The following KCNK2 variants were observed in gnomAD, a reference collection of about 807,000 sequenced individuals.
The protein encoded by KCNK2 is potassium channel subfamily K member 2.
A neutral mutation model predicts 40.5 loss-of-function variants in KCNK2; 21 were observed. The ratio of observed to expected loss-of-function variants is 0.52; its 90% CI spans 0.37 to 0.75. The LOEUF (loss-of-function observed/expected upper bound fraction) is 0.75. Ranked by LOEUF, KCNK2 falls within the 30% of genes least tolerant of loss-of-function variation. The pLI is 0.00. For synonymous variants in KCNK2, 191 were observed against 202.2 expected (o/e 0.94, Z 0.47); for missense variants, 399 against 531.6 (o/e 0.75, Z 2.45).
At chr1:215,062,441 A>C (rs1658392821) in intron 1 of KCNK2, among the ~76,000 whole-genome samples, 3 of 152,062 alleles carry the variant, frequency 2.0e-5, no homozygotes, top group Middle Eastern at 3.4e-3. Context: ...ACAACATCAG[A>C]TATTTACACA....
At chr1:215,191,990 C>A (rs950737050) in intron 5 of KCNK2, among the ~76,000 whole-genome samples, 1 of 151,906 alleles carries the variant, frequency 6.6e-6, no homozygotes, top group African/African-American at 2.4e-5. Flanking sequence ...TCTTAGTAAG[C>A]CAGAGACAAA....
intron 2 of KCNK2, among the ~76,000 whole-genome samples, chr1:215,120,689 C>G (rs548295483): frequency 3.4e-4 from 52 of 152,228 alleles, no homozygotes; most frequent in African/African-American, 1.2e-3. Context: ...TGATCACAAG[C>G]AACTCTTTCA....
intron 1 of KCNK2, among the ~76,000 whole-genome samples, chr1:215,021,556 T>TA (rs1247171804): frequency 1.2e-5 from 1 of 84,674 alleles, no homozygotes; most frequent in African/African-American, 4.0e-5. Flanking sequence ...TTTTTTTTTT[T>TA]TTTTTTTGAG....
chr1:215,233,132 G>A (rs1666739581), intron 6 of KCNK2, among the ~76,000 whole-genome samples: 1 of 152,126 alleles, frequency 6.6e-6, no homozygotes, highest in Admixed American at 6.6e-5. Context: ...ATAAATTCCT[G>A]TAGATTTGCA....
chr1:215,218,216 C>A (rs1666033269), intron 6 of KCNK2, among the ~76,000 whole-genome samples: 1 of 152,076 alleles, frequency 6.6e-6, no homozygotes. Context: ...GAGATTAGAT[C>A]CTATCTATGA....
At chr1:215,229,835 T>C (rs779389107) in intron 6 of KCNK2, among the ~76,000 whole-genome samples, 4 of 151,880 alleles carry the variant, frequency 2.6e-5, no homozygotes, top group Non-Finnish European at 5.9e-5. Context: ...TAACCCGCTA[T>C]AGGGTAGATT....
intron 1 of KCNK2, among the ~76,000 whole-genome samples, chr1:215,018,282 C>T (rs1433905382): frequency 6.6e-6 from 1 of 152,140 alleles, no homozygotes; most frequent in Admixed American, 6.5e-5. Flanking sequence ...AGAATCCAAA[C>T]ATCTTTGAGA....
Position 215,199,354 on chromosome 1 carries a change from A to T in KCNK2, c.963+4262A>T, listed in dbSNP as rs190737489. 2.4e-4 allele frequency among the ~76,000 whole-genome samples: 36 copies of T among 152,320 alleles called. No homozygotes were observed. In the East Asian group the frequency reaches 5.6e-3, roughly 24 times the overall value. On this transcript the variant is annotated intron_variant, in intron 6 of 6. Coordinates refer to ENST00000444842, the MANE Select transcript of KCNK2 (RefSeq NM_001017425.3). ...AAAAAATAAAATAAATTCTGTTTCC[A>T]ATGAAGAATAGTTTTAATGAAATTA...
chr1:215,180,973 T>A (rs575833456), intron 5 of KCNK2, among the ~76,000 whole-genome samples: 85 of 152,198 alleles, frequency 5.6e-4, no homozygotes, highest in Non-Finnish European at 1.0e-3. Context: ...TTTCTTTATC[T>A]CTGTCTCTCT....
intron 3 of KCNK2, among the ~76,000 whole-genome samples, chr1:215,138,852 T>C (rs1662043129): frequency 6.6e-6 from 1 of 152,192 alleles, no homozygotes; most frequent in South Asian, 2.1e-4. Context: ...CTTTTATAAA[T>C]GTTTGCTGAA....
intron 2 of KCNK2, among the ~76,000 whole-genome samples, chr1:215,088,113 C>T (rs2102532545): frequency 6.6e-6 from 1 of 152,066 alleles, no homozygotes; most frequent in African/African-American, 2.4e-5. Context: ...TCCCTGGTCC[C>T]ATGTAAGATC....
chr1:215,033,434 A>AT (rs34869899), intron 1 of KCNK2, among the ~76,000 whole-genome samples: 1 of 151,856 alleles, frequency 6.6e-6, no homozygotes, highest in Non-Finnish European at 1.5e-5. Flanking sequence ...TTGGTATGTG[A>AT]TTTTTTTTCT....
chr1:215,135,839 A>C lies in KCNK2; in HGVS notation c.475+11089A>C, dbSNP rs897782823. Among the ~76,000 whole-genome samples the C allele has an allele frequency of 1.7e-4, 26 of 152,132 alleles. No homozygotes were observed. In the East Asian group the frequency reaches 5.0e-3, roughly 30 times the overall value. ...AACCTCCGCCTCCTGGGTTCAAGCAATTCTCCTGCCTCAGCCTCCCGAGTA... is the reference window on the plus strand; with the variant it reads ...AACCTCCGCCTCCTGGGTTCAAGCACTTCTCCTGCCTCAGCCTCCCGAGTA... On this transcript the variant is annotated intron_variant, in intron 3 of 6. Transcript: ENST00000444842.
chr1:215,058,491 G>A (rs10864146), intron 1 of KCNK2, among the ~76,000 whole-genome samples: 146,032 of 152,264 alleles, frequency 0.96, 70,305 homozygotes, highest in East Asian at 1. Context: ...CAAAGTATGC[G>A]CTAAACTTAT....
intron 1 of KCNK2, among the ~76,000 whole-genome samples, chr1:215,053,615 C>G (rs1325329452): frequency 6.6e-6 from 1 of 152,158 alleles, no homozygotes; most frequent in Non-Finnish European, 1.5e-5. Context: ...GAAATTCTAG[C>G]AAATGAAAAA....
intron 2 of KCNK2, among the ~76,000 whole-genome samples, chr1:215,111,737 A>G (rs182727668): frequency 6.6e-6 from 1 of 151,924 alleles, no homozygotes; most frequent in African/African-American, 2.4e-5. Flanking sequence ...TTACTTTAGG[A>G]TCAGTATGCG....
chr1:215,058,371 C>T (rs990367125), intron 1 of KCNK2, among the ~76,000 whole-genome samples: 24 of 152,166 alleles, frequency 1.6e-4, no homozygotes, highest in Admixed American at 5.9e-4. Flanking sequence ...ATTAGTTATG[C>T]AGATTGGAGT....
At chr1:215,027,358 A>C (rs573613030) in intron 1 of KCNK2, among the ~76,000 whole-genome samples, 1 of 152,260 alleles carries the variant, frequency 6.6e-6, no homozygotes, top group South Asian at 2.1e-4. Flanking sequence ...TTCGATGTTG[A>C]GAATACATTG....
At chr1:215,191,466 T>C (rs1055142159) in intron 5 of KCNK2, among the ~76,000 whole-genome samples, 1 of 152,154 alleles carries the variant, frequency 6.6e-6, no homozygotes, top group Middle Eastern at 3.4e-3. Context: ...CTAGCAATAA[T>C]ACCAGCCTGA....
Sources: gnomAD v4.1 joint callset for allele counts (sites outside exome capture counted in the v4.1 genomes callset) on GRCh38, gnomAD v4.1.1 for gene constraint, MANE v1.5 for transcripts, NCBI Gene and HGNC (gene_info 2026-07-23, HGNC 2026-07-21) for gene names.